Variants in THOC2 observed in about 807,000 individuals in gnomAD.
The protein encoded by THOC2 is THO complex 2.
Under a neutral mutation model 128.4 loss-of-function variants are expected in THOC2, and 10 were observed. That is an observed-to-expected ratio of 0.08 (90% CI 0.05 to 0.13). The LOEUF (loss-of-function observed/expected upper bound fraction) is 0.13, where lower values mean the gene tolerates loss of function less well. THOC2 is among the 10% of genes least tolerant of loss of function. The pLI, the probability that THOC2 is intolerant of heterozygous loss-of-function variation, is 1.00. For synonymous variants in THOC2, 393 were observed against 396.9 expected, an observed-to-expected ratio of 0.99 and a Z score of 0.12; for missense variants, 535 against 1,155.7, an observed-to-expected ratio of 0.46 and a Z score of 7.79.
chrX:123,664,032 G>T, intron 12 of THOC2, among the ~76,000 whole-genome samples: 1 of 111,828 alleles, frequency 8.9e-6, no homozygotes. Flanking sequence ...TGGACATTTG[G>T]GTTGGTTCCA....
chrX:123,604,477 T>A (rs1163478320), intron 38 of THOC2, among the ~76,000 whole-genome samples: 1 of 109,778 alleles, frequency 9.1e-6, no homozygotes, highest in African/African-American at 3.3e-5. Flanking sequence ...CCTCAAAGAG[T>A]TGAGGCAGCT....
At position 123,625,085 on chromosome X, in the gene THOC2, T is replaced by TTTTTG. The variant is rs772357558; in HGVS notation, c.3058-421_3058-417dup. Among the ~76,000 whole-genome samples, 7 of 110,759 alleles carry TTTTTG rather than the reference T, an allele frequency of 6.3e-5. No individual in the cohort carries two copies. In the East Asian group the frequency reaches 8.4e-4, roughly 13 times the overall value. On this transcript the variant is annotated intron_variant, in intron 25 of 38. Transcript: ENST00000245838. ...TGACATACTGGAACATACATTATGT[T>TTTTTG]TTTTGTTTTGTTTTGTTTTGTTTTG...
chrX:123,690,445 G>C (rs772119820), intron 7 of THOC2, among the ~76,000 whole-genome samples: 1 of 111,994 alleles, frequency 8.9e-6, no homozygotes, highest in African/African-American at 3.2e-5. Flanking sequence ...CCCTTGAGAA[G>C]AGTTCACACC....
At chrX:123,665,086 A>T (rs1438698758) in intron 12 of THOC2, among the ~76,000 whole-genome samples, 1 of 111,621 alleles carries the variant, frequency 9.0e-6, no homozygotes, top group Non-Finnish European at 1.9e-5. Flanking sequence ...ATTTGGGTTT[A>T]TATTAATATA....
chrX:123,626,637 T>C lies in THOC2; in HGVS notation c.2783A>G (p.Lys928Arg), dbSNP rs2047278915. The C allele has an allele frequency of 8.4e-7, 1 of 1,191,896 alleles. No homozygotes were observed. The highest frequency in any genetic ancestry group is 3.0e-5 in the East Asian group (1 of 33,307). Reference sequence around the variant, plus strand: ...GTCCTGAAGGGCAGTACAGCGCTCCTTCTCTTTTTTCTTTTTATTTGGGGG... The same window carrying C: ...GTCCTGAAGGGCAGTACAGCGCTCCCTCTCTTTTTTCTTTTTATTTGGGGG... ...EMPPNKKKKE[K>R]ERCTALQDKL... Residue 928 changes from lysine to arginine, a missense_variant, in exon 24 of 39, where the codon AAG becomes AGG. Around this residue, in one of 9 missense-constraint regions of THOC2, gnomAD observed 90 missense variants for 298.6 expected, o/e 0.30. Transcript: ENST00000245838.
intron 8 of THOC2, among the ~76,000 whole-genome samples, chrX:123,685,348 G>C (rs1483564749): frequency 2.7e-5 from 3 of 112,293 alleles, no homozygotes; most frequent in Non-Finnish European, 5.6e-5. Context: ...CAAGTTTTAT[G>C]AGAATACAGA....
intron 16 of THOC2, among the ~76,000 whole-genome samples, chrX:123,639,391 G>T (rs1026543841): frequency 9.0e-5 from 10 of 111,722 alleles, no homozygotes; most frequent in African/African-American, 3.3e-4. Context: ...AGCATGGAAT[G>T]TCTTTCCATT....
At chrX:123,632,731 A>T in intron 21 of THOC2, 130 bp downstream of exon 21, 1 of 499,361 alleles carries the variant, frequency 2.0e-6, no homozygotes, top group Non-Finnish European at 3.3e-6. Context: ...TATTTCCAGA[A>T]TGTCTTTCAC....
intron 1 of THOC2, among the ~76,000 whole-genome samples, chrX:123,725,272 G>T (rs2051901804): frequency 9.1e-6 from 1 of 109,956 alleles, no homozygotes; most frequent in African/African-American, 3.3e-5. Flanking sequence ...GTTGAGAAGA[G>T]AACAGTGGTT....
chrX:123,608,439 G>A (rs1310545032), intron 38 of THOC2, among the ~76,000 whole-genome samples: 1 of 102,406 alleles, frequency 9.8e-6, no homozygotes, highest in African/African-American at 3.6e-5. Context: ...CTATCAGCCA[G>A]ATGGCCCAGC....
chrX:123,720,127 C>T (rs1279427307), intron 1 of THOC2, among the ~76,000 whole-genome samples: 2 of 107,151 alleles, frequency 1.9e-5, no homozygotes, highest in African/African-American at 6.8e-5. Flanking sequence ...GCCTAGGCAA[C>T]AGAGTGAGAC....
chrX:123,653,980 C>G (rs2048465505), intron 12 of THOC2, among the ~76,000 whole-genome samples: 1 of 111,453 alleles, frequency 9.0e-6, no homozygotes, highest in Non-Finnish European at 1.9e-5. Context: ...GCACTGTTCA[C>G]AATAGCAAAG....
chrX:123,725,884 T>C (rs1026711286), intron 1 of THOC2, among the ~76,000 whole-genome samples: 1 of 111,375 alleles, frequency 9.0e-6, no homozygotes, highest in African/African-American at 3.3e-5. Context: ...TGGGTTCTCA[T>C]TTCCCTTATA....
chrX:123,642,957 C>G (rs1172423613), intron 15 of THOC2, among the ~76,000 whole-genome samples: 1 of 110,999 alleles, frequency 9.0e-6, no homozygotes, highest in Non-Finnish European at 1.9e-5. Context: ...AAAAAACAAT[C>G]ATAGCAAGGT....
At chrX:123,697,568 C>T in intron 5 of THOC2, 113 bp downstream of exon 5, 1 of 459,723 alleles carries the variant, frequency 2.2e-6, no homozygotes, top group Non-Finnish European at 3.7e-6. Flanking sequence ...CAAATCTCAC[C>T]TTATGAGAAA....
intron 8 of THOC2, among the ~76,000 whole-genome samples, chrX:123,677,863 C>T (rs1034136575): frequency 1.1e-4 from 11 of 102,096 alleles, no homozygotes; most frequent in Non-Finnish European, 2.0e-4. Flanking sequence ...GAGAACAAAA[C>T]TCCGTCGCAA....
intron 2 of THOC2, among the ~76,000 whole-genome samples, chrX:123,710,883 G>A (rs1011545028): frequency 1.9e-5 from 2 of 103,624 alleles, no homozygotes; most frequent in African/African-American, 7.0e-5. Context: ...CTAGCTACTC[G>A]GGAGGCTGAG....
intron 1 of THOC2, among the ~76,000 whole-genome samples, chrX:123,725,352 A>T (rs2051905789): frequency 9.6e-6 from 1 of 104,053 alleles, no homozygotes; most frequent in African/African-American, 3.5e-5. Context: ...GGGAGGCCGA[A>T]GTGGGAGGAT....
Position 123,640,060 on chromosome X carries a change from G to A in THOC2, c.1746+478C>T, listed in dbSNP as rs764268100. On this transcript the variant is annotated intron_variant, in intron 16 of 38. Transcript: ENST00000245838. ...AAATTAGCCAAGTGCAGTGGCATGC[G>A]CCTGTAATCCCAGCTACTTGGGAGG... Among the ~76,000 whole-genome samples the A allele has an allele frequency of 7.3e-3, 816 of 111,540 alleles. 6 individuals carry two copies. The highest frequency in any genetic ancestry group is 0.012 in the Non-Finnish European group (640 of 53,081).
Sources: allele counts gnomAD v4.1 joint callset (sites outside exome capture counted in the v4.1 genomes callset), GRCh38; gene constraint gnomAD v4.1.1; regional missense constraint gnomAD v4.1.1; transcripts MANE v1.5; gene names NCBI Gene and HGNC (gene_info 2026-07-23, HGNC 2026-07-21).